The following CNTN5 variants were observed in gnomAD, a reference collection of about 807,000 sequenced individuals.
CNTN5 encodes contactin 5.
A neutral mutation model predicts 129.1 loss-of-function variants in CNTN5; 77 were observed. That is an observed-to-expected ratio of 0.60 (90% CI 0.50 to 0.72). The LOEUF is 0.72. Among genes scored for constraint, CNTN5 ranks in the 30% least tolerant of loss-of-function variants. The pLI is 0.00. For synonymous variants in CNTN5, 509 were observed against 465.6 expected, an observed-to-expected ratio of 1.09 and a Z score of -1.20; for missense variants, 1,478 against 1,328.8, an observed-to-expected ratio of 1.11 and a Z score of -1.75.
rs1375452498 is a variant in CNTN5, at chr11:99,519,601, ACATG to A, written c.-70-36543_-70-36540del. Among the ~76,000 whole-genome samples, 9 of 152,258 alleles carry A rather than the reference ACATG, an allele frequency of 5.9e-5. No homozygotes were observed. In the East Asian group the frequency reaches 1.7e-3, roughly 29 times the overall value. On this transcript the variant is annotated intron_variant, in intron 2 of 24. Transcript: ENST00000524871. ...TTCTAATTATGCTCTCATTTATAAT[ACATG>A]TTCACAGTATTATTTCTACTTTTAT...
In CNTN5 at chr11:100,037,020, T is replaced by G. The variant is rs557909868; in HGVS notation, c.981-24192T>G. 5.7e-3 allele frequency among the ~76,000 whole-genome samples: 864 copies of G among 152,072 alleles called. 6 individuals carry two copies. Among genetic ancestry groups the G allele is most frequent in the Non-Finnish European group, 8.3e-3 (562 of 68,022 alleles). ...CCAACACTATGTTGAATAGGAGTGG[T>G]GAGAGAGGGCATCCCTGTCTTGTGC... On this transcript the variant is annotated intron_variant, in intron 9 of 24. Coordinates refer to ENST00000524871, the MANE Select transcript of CNTN5 (RefSeq NM_014361.4).
chr11:100,306,390 C>T (rs995677421), intron 20 of CNTN5, among the ~76,000 whole-genome samples: 1 of 151,582 alleles, frequency 6.6e-6, no homozygotes, highest in African/African-American at 2.4e-5. Flanking sequence ...AAGGTTGCTA[C>T]CCCACCACAT....
chr11:99,502,370 A>G (rs552869074), intron 2 of CNTN5, among the ~76,000 whole-genome samples: 5 of 152,228 alleles, frequency 3.3e-5, no homozygotes, highest in South Asian at 2.1e-4. Flanking sequence ...CCCATAATCC[A>G]CAAGTGTCAA....
At chr11:99,462,442 G>A (rs934174203) in intron 2 of CNTN5, among the ~76,000 whole-genome samples, 1 of 141,406 alleles carries the variant, frequency 7.1e-6, no homozygotes, top group Admixed American at 7.7e-5. Flanking sequence ...TTGTTTAAGT[G>A]TCATGAATGA....
intron 2 of CNTN5, among the ~76,000 whole-genome samples, chr11:99,419,664 A>G (rs1942802690): frequency 1.3e-5 from 2 of 152,150 alleles, no homozygotes; most frequent in Non-Finnish European, 2.9e-5. Flanking sequence ...TCTTTTACTT[A>G]CAGTAGATTG....
At chr11:100,123,980 G>A (rs1162544741) in intron 13 of CNTN5, among the ~76,000 whole-genome samples, 2 of 151,718 alleles carry the variant, frequency 1.3e-5, no homozygotes, top group African/African-American at 2.4e-5. Context: ...ATGTCTTTAG[G>A]GTATATCAAA....
chr11:99,433,525 G>T (rs1353917165), intron 2 of CNTN5, among the ~76,000 whole-genome samples: 1 of 151,918 alleles, frequency 6.6e-6, no homozygotes, highest in East Asian at 1.9e-4. Flanking sequence ...TAGTATTAAA[G>T]ATATTTATTA....
At chr11:99,201,160 G>A (rs1179478648) in intron 1 of CNTN5, among the ~76,000 whole-genome samples, 2 of 151,426 alleles carry the variant, frequency 1.3e-5, no homozygotes, top group African/African-American at 4.9e-5. Context: ...GAGTAGCTGG[G>A]ACTACAGGCC....
chr11:99,651,899 G>GA (rs1048293582), intron 3 of CNTN5, among the ~76,000 whole-genome samples: 1 of 151,490 alleles, frequency 6.6e-6, no homozygotes, highest in Admixed American at 6.6e-5. Context: ...ATAAAGATTT[G>GA]AAAAAAAAGT....
intron 3 of CNTN5, among the ~76,000 whole-genome samples, chr11:99,761,426 C>G: frequency 6.6e-6 from 1 of 152,106 alleles, no homozygotes; most frequent in Admixed American, 6.6e-5. Context: ...TCCCACCACC[C>G]CACAACAGTC....
chr11:100,312,149 A>G (rs183429101), intron 21 of CNTN5, among the ~76,000 whole-genome samples: 138 of 152,206 alleles, frequency 9.1e-4, no homozygotes, highest in African/African-American at 3.0e-3. Context: ...CAGAAAATAA[A>G]AATCAACATC....
chr11:99,706,120 G>C (rs1954745461), intron 3 of CNTN5, among the ~76,000 whole-genome samples: 2 of 151,444 alleles, frequency 1.3e-5, no homozygotes, highest in Non-Finnish European at 3.0e-5. Context: ...TTTTATTACT[G>C]TGTGGCTAGT....
chr11:99,923,475 C>T (rs1227719916), intron 7 of CNTN5, among the ~76,000 whole-genome samples: 1 of 152,114 alleles, frequency 6.6e-6, no homozygotes, highest in Non-Finnish European at 1.5e-5. Context: ...TTTATAGATA[C>T]TTTCTACATA....
At chr11:99,193,089 C>T (rs976061372) in intron 1 of CNTN5, among the ~76,000 whole-genome samples, 2 of 152,112 alleles carry the variant, frequency 1.3e-5, no homozygotes, top group East Asian at 1.9e-4. Flanking sequence ...TAAGCATAAA[C>T]TTAAATCATG....
chr11:99,545,340 T>C (rs1235241983), intron 2 of CNTN5, among the ~76,000 whole-genome samples: 2 of 152,206 alleles, frequency 1.3e-5, no homozygotes, highest in African/African-American at 2.4e-5. Flanking sequence ...CAGATGAAGA[T>C]AGTGATTCAA....
At chr11:99,353,336 C>G (rs1290502799) in intron 2 of CNTN5, among the ~76,000 whole-genome samples, 1 of 152,142 alleles carries the variant, frequency 6.6e-6, no homozygotes, top group Non-Finnish European at 1.5e-5. Context: ...TATTAGTAGA[C>G]TACAAAATTT....
At chr11:99,209,493 A>G (rs1364114825) in intron 1 of CNTN5, among the ~76,000 whole-genome samples, 5 of 139,462 alleles carry the variant, frequency 3.6e-5, no homozygotes, top group Admixed American at 1.4e-4. Context: ...TGAACAGAGA[A>G]AGAACTCACT....
intron 3 of CNTN5, among the ~76,000 whole-genome samples, chr11:99,673,672 C>T (rs1195908574): frequency 6.6e-6 from 1 of 152,024 alleles, no homozygotes; most frequent in Non-Finnish European, 1.5e-5. Flanking sequence ...ATTTATCTCC[C>T]ACTTATAAGT....
chr11:99,227,478 C>G (rs1860754975), intron 1 of CNTN5, among the ~76,000 whole-genome samples: 1 of 151,996 alleles, frequency 6.6e-6, no homozygotes, highest in South Asian at 2.1e-4. Context: ...CTCTTCAACT[C>G]AAAAGAATTA....
Sources: gnomAD v4.1 joint callset for allele counts (sites outside exome capture counted in the v4.1 genomes callset) on GRCh38, gnomAD v4.1.1 for gene constraint, MANE v1.5 for transcripts, NCBI Gene and HGNC (gene_info 2026-07-23, HGNC 2026-07-21) for gene names.